Variants in ARHGAP28 observed in about 807,000 individuals in gnomAD.
ARHGAP28 encodes the protein rho GTPase-activating protein 28.
In ARHGAP28, 56 loss-of-function variants were observed where a neutral mutation model predicts 90.7. That is an observed-to-expected ratio of 0.62 (90% confidence interval 0.50 to 0.77). The LOEUF is 0.77. Among genes scored for constraint, ARHGAP28 ranks in the 30% least tolerant of loss-of-function variants. The pLI is 0.00. For missense variants in ARHGAP28, 869 were observed against 900.9 expected (o/e 0.96, Z 0.45); for synonymous variants, 308 against 323.3 (o/e 0.95, Z 0.51).
chr18:6,825,956 C>T (rs536628417), intron 2 of ARHGAP28, among the ~76,000 whole-genome samples: 8 of 152,174 alleles, frequency 5.3e-5, no homozygotes, highest in Non-Finnish European at 1.0e-4. Flanking sequence ...ATCTATTTTG[C>T]TTTGGGTTTA....
intron 4 of ARHGAP28, among the ~76,000 whole-genome samples, chr18:6,859,077 A>AAAC (rs146188171): frequency 7.8e-6 from 1 of 128,102 alleles, no homozygotes; most frequent in South Asian, 2.4e-4. Flanking sequence ...AGCTTTATTA[A>AAAC]AACAACAACA....
At chr18:6,882,400 C>G in intron 11 of ARHGAP28, 101 bp downstream of exon 11, 1 of 1,197,488 alleles carries the variant, frequency 8.4e-7, no homozygotes, top group Non-Finnish European at 1.1e-6. Context: ...TATAGATTTG[C>G]TGTGTCCTGA....
At chr18:6,884,234 C>T (rs772109638) in intron 11 of ARHGAP28, among the ~76,000 whole-genome samples, 1 of 152,098 alleles carries the variant, frequency 6.6e-6, no homozygotes, top group African/African-American at 2.4e-5. Flanking sequence ...ATTGGCCAGG[C>T]GTGGTGGCGG....
At position 6,798,860 on chromosome 18, in the gene ARHGAP28, C is replaced by A. The variant is rs557767786; in HGVS notation, c.123-25902C>A. On this transcript the variant is annotated intron_variant, in intron 1 of 17. Coordinates refer to ENST00000383472, the MANE Select transcript of ARHGAP28 (RefSeq NM_001366230.1). ...ATAAAAGCATTTCCATATATACTTA[C>A]AATTCTTCTGTGTTTATGCATTTAA... 2.6e-5 allele frequency among the ~76,000 whole-genome samples: 4 copies of A among 152,336 alleles called. No individual in the cohort carries two copies. In the South Asian group the frequency reaches 8.3e-4, roughly 32 times the overall value.
intron 1 of ARHGAP28, among the ~76,000 whole-genome samples, chr18:6,762,639 A>G (rs538076539): frequency 5.3e-5 from 8 of 152,068 alleles, no homozygotes; most frequent in African/African-American, 1.4e-4. Context: ...GCCTTTAAAG[A>G]GTTAATTAAG....
In ARHGAP28 at chr18:6,896,452, G is replaced by A. The variant is rs747010766; in HGVS notation, c.1906-50G>A. 33 of 1,604,160 alleles carry A rather than the reference G, an allele frequency of 2.1e-5. No individual in the cohort carries two copies. In the South Asian group the frequency reaches 3.1e-4, roughly 15 times the overall value. On this transcript the variant is annotated intron_variant, in intron 15 of 17. Coordinates refer to ENST00000383472, the MANE Select transcript of ARHGAP28 (RefSeq NM_001366230.1). ...TATCTCTTAAGTGCATCATTGAGCC[G>A]ATATTCATCCTAGTTTGACAGACTG...
chr18:6,809,375 A>G (rs899757916), intron 1 of ARHGAP28, among the ~76,000 whole-genome samples: 1 of 152,186 alleles, frequency 6.6e-6, no homozygotes, highest in African/African-American at 2.4e-5. Context: ...TGCCCTTACT[A>G]GAATGAAACC....
At chr18:6,875,366 A>C (rs1359138766) in intron 9 of ARHGAP28, among the ~76,000 whole-genome samples, 1 of 152,144 alleles carries the variant, frequency 6.6e-6, no homozygotes, top group Admixed American at 6.6e-5. Flanking sequence ...TAGAAGAATT[A>C]CCTTAGTTCC....
intron 1 of ARHGAP28, among the ~76,000 whole-genome samples, chr18:6,811,446 T>C (rs1413763801): frequency 6.6e-6 from 1 of 152,230 alleles, no homozygotes; most frequent in African/African-American, 2.4e-5. Flanking sequence ...CTCTTCCTTT[T>C]CAAAGTCTGT....
At chr18:6,793,757 C>T (rs1057438607) in intron 1 of ARHGAP28, among the ~76,000 whole-genome samples, 1 of 151,716 alleles carries the variant, frequency 6.6e-6, no homozygotes, top group African/African-American at 2.4e-5. Flanking sequence ...GTCATTCATT[C>T]AGAGGGACCC....
At chr18:6,827,258 G>A (rs1027775990) in intron 2 of ARHGAP28, among the ~76,000 whole-genome samples, 2 of 151,848 alleles carry the variant, frequency 1.3e-5, no homozygotes, top group African/African-American at 4.8e-5. Flanking sequence ...TTCCCAGTAG[G>A]GGCGGCCGGG....
chr18:6,764,988 A>G (rs1234185315), intron 1 of ARHGAP28, among the ~76,000 whole-genome samples: 2 of 152,212 alleles, frequency 1.3e-5, no homozygotes, highest in African/African-American at 4.8e-5. Flanking sequence ...AAGACTCAAC[A>G]ATAATTATTG....
At chr18:6,830,988 A>G (rs1020420102) in intron 2 of ARHGAP28, among the ~76,000 whole-genome samples, 2 of 152,228 alleles carry the variant, frequency 1.3e-5, no homozygotes, top group Admixed American at 6.5e-5. Context: ...GTTTAACTAC[A>G]TAAGAAACTG....
At chr18:6,769,331 A>T (rs1245846328) in intron 1 of ARHGAP28, among the ~76,000 whole-genome samples, 2 of 152,174 alleles carry the variant, frequency 1.3e-5, no homozygotes, top group African/African-American at 2.4e-5. Flanking sequence ...CTGTACATCT[A>T]AACTATTCCA....
At chr18:6,752,258 C>T (rs1000448181) in intron 1 of ARHGAP28, among the ~76,000 whole-genome samples, 1 of 152,014 alleles carries the variant, frequency 6.6e-6, no homozygotes, top group Non-Finnish European at 1.5e-5. Flanking sequence ...ATAAAAGACA[C>T]GAATAGGACC....
Position 6,912,199 on chromosome 18 carries a change from A to T in ARHGAP28, c.*45A>T. 8.5e-7 allele frequency: 1 copy of T among 1,177,176 alleles called. No homozygotes were observed. The highest frequency in any genetic ancestry group is 1.2e-6 in the Non-Finnish European group (1 of 815,720). 72.9% of individuals were successfully genotyped at this position (1,177,176 alleles called of 1,614,324 possible). A position where few individuals can be genotyped will look rare whatever the true frequency, so the allele number is the denominator to read the frequency against. ...CTATCATGTATTATATGCCAAAAAGATCCTACATTTTGGTAGGGAAAAAAC... is the reference window on the plus strand; with the variant it reads ...CTATCATGTATTATATGCCAAAAAGTTCCTACATTTTGGTAGGGAAAAAAC... On this transcript the variant is annotated 3_prime_UTR_variant, in exon 18 of 18. Coordinates refer to ENST00000383472, the MANE Select transcript of ARHGAP28 (RefSeq NM_001366230.1).
At chr18:6,839,324 C>T (rs552849856) in intron 3 of ARHGAP28, among the ~76,000 whole-genome samples, 74 of 144,762 alleles carry the variant, frequency 5.1e-4, no homozygotes, top group Non-Finnish European at 8.2e-4. Context: ...GACAGCGTCT[C>T]GCTCTGTCGC....
intron 1 of ARHGAP28, among the ~76,000 whole-genome samples, chr18:6,783,579 G>C (rs1053637761): frequency 1.3e-5 from 2 of 151,952 alleles, no homozygotes; most frequent in African/African-American, 2.4e-5. Flanking sequence ...GGGATTACAG[G>C]CGTGAGCCAC....
At chr18:6,754,534 T>C (rs2056094247) in intron 1 of ARHGAP28, among the ~76,000 whole-genome samples, 1 of 152,178 alleles carries the variant, frequency 6.6e-6, no homozygotes, top group Non-Finnish European at 1.5e-5. Context: ...TGGCATGAAG[T>C]AGCTTTCCAG....
Sources: allele counts gnomAD v4.1 joint callset (sites outside exome capture counted in the v4.1 genomes callset), GRCh38; gene constraint gnomAD v4.1.1; transcripts MANE v1.5; gene names NCBI Gene and HGNC (gene_info 2026-07-23, HGNC 2026-07-21).